PPM1B: variants seen among roughly 807,000 people sequenced by gnomAD.
PPM1B encodes the protein protein phosphatase, Mg2+/Mn2+ dependent 1B, also known as protein phosphatase 1B.
A neutral mutation model predicts 43.0 loss-of-function variants in PPM1B; 22 were observed. The ratio of observed to expected loss-of-function variants is 0.51; its 90% CI spans 0.37 to 0.73. The LOEUF (loss-of-function observed/expected upper bound fraction) is 0.73, where lower values mean the gene tolerates loss of function less well. Ranked by LOEUF, PPM1B falls within the 30% of genes least tolerant of loss-of-function variation. The pLI is 0.00. For missense variants in PPM1B, 632 were observed against 584.2 expected (o/e 1.08, Z -0.84); for synonymous variants, 217 against 197.9 (o/e 1.10, Z -0.81).
chr2:44,193,013 T>C (rs1668479377), intron 1 of PPM1B, among the ~76,000 whole-genome samples: 1 of 152,210 alleles, frequency 6.6e-6, no homozygotes, highest in Non-Finnish European at 1.5e-5. Flanking sequence ...TTTTGGTAAA[T>C]AATGCCACAG....
chr2:44,230,367 A>T (rs762613720), intron 5 of PPM1B, 46 bp from the exon 6 acceptor site: 7 of 1,594,458 alleles, frequency 4.4e-6, no homozygotes, highest in Admixed American at 1.8e-5. Context: ...TACATGTGAT[A>T]TCCTAGTTTG....
intron 3 of PPM1B, among the ~76,000 whole-genome samples, chr2:44,214,723 G>T (rs1218383692): frequency 6.6e-6 from 1 of 151,932 alleles, no homozygotes. Context: ...GTGTGTGGGG[G>T]TTTTCAGTAA....
chr2:44,235,217 T>C (rs1670577657), downstream of PPM1B, among the ~76,000 whole-genome samples: 2 of 152,358 alleles, frequency 1.3e-5, no homozygotes, highest in African/African-American at 4.8e-5. Flanking sequence ...ATGCATGATT[T>C]TGTCACATCA....
At chr2:44,232,854 ATTG>A, downstream of PPM1B, 2 of 970,316 alleles carry the variant, frequency 2.1e-6, no homozygotes, top group South Asian at 9.5e-5. Flanking sequence ...TTTATTATTG[ATTG>A]TTATTTAATT....
intron 1 of PPM1B, among the ~76,000 whole-genome samples, chr2:44,185,407 C>G (rs1016352763): frequency 2.0e-5 from 3 of 152,170 alleles, no homozygotes; most frequent in Non-Finnish European, 4.4e-5. Flanking sequence ...TTAGAGCACA[C>G]TGTATGTATT....
At chr2:44,221,267 T>A (rs1267682519) in intron 5 of PPM1B, among the ~76,000 whole-genome samples, 2 of 152,228 alleles carry the variant, frequency 1.3e-5, no homozygotes, top group Non-Finnish European at 2.9e-5. Flanking sequence ...CCTAGAATTT[T>A]AAATGGGGAA....
At chr2:44,181,033 C>T (rs566992123) in intron 1 of PPM1B, among the ~76,000 whole-genome samples, 17 of 152,206 alleles carry the variant, frequency 1.1e-4, no homozygotes, top group African/African-American at 4.1e-4. Context: ...CAGCCTCGAT[C>T]TCCTAGGTTC....
intron 1 of PPM1B, among the ~76,000 whole-genome samples, chr2:44,191,932 C>G (rs754850720): frequency 2.0e-4 from 30 of 152,052 alleles, no homozygotes; most frequent in Non-Finnish European, 3.7e-4. Context: ...GTTCTACTTT[C>G]AGTCCTGACA....
At chr2:44,199,999 GTC>G (rs1668858951) in intron 1 of PPM1B, among the ~76,000 whole-genome samples, 1 of 152,102 alleles carries the variant, frequency 6.6e-6, no homozygotes, top group Non-Finnish European at 1.5e-5. Flanking sequence ...CTAGACCAGT[GTC>G]TCTCAAAACT....
chr2:44,177,086 C>T (rs1001743881), intron 1 of PPM1B, among the ~76,000 whole-genome samples: 1 of 151,988 alleles, frequency 6.6e-6, no homozygotes. Flanking sequence ...GGCCTAGTTT[C>T]ATTTTTAATG....
At chr2:44,237,788 G>A (rs1670656655), downstream of PPM1B, among the ~76,000 whole-genome samples, 1 of 152,146 alleles carries the variant, frequency 6.6e-6, no homozygotes, top group East Asian at 1.9e-4. Flanking sequence ...CTAATGGTGG[G>A]TCTGATACCT....
In PPM1B at chr2:44,222,935, A is replaced by G. The variant is rs562148418; in HGVS notation, c.1134+4398A>G. 5.9e-5 allele frequency among the ~76,000 whole-genome samples: 9 copies of G among 152,138 alleles called. No homozygotes were observed. In the East Asian group the frequency reaches 1.5e-3, roughly 26 times the overall value. On this transcript the variant is annotated intron_variant, in intron 5 of 5. Coordinates refer to ENST00000282412, the MANE Select transcript of PPM1B (RefSeq NM_002706.6). The stretch of plus-strand genomic sequence containing the variant: ...AGCCTCAACCTCCCAGGCTCAAGCG[A>G]TCCTCCCAGCTCAGCCTCCTGAGTA...
intron 1 of PPM1B, 60 bp downstream of exon 1, chr2:44,169,334 C>T (rs1667201590): frequency 6.6e-6 from 1 of 152,390 alleles, no homozygotes. Flanking sequence ...CCGCCGAGGC[C>T]CCGGGCCCTG....
chr2:44,239,431 G>A (rs1670699051), downstream of PPM1B, among the ~76,000 whole-genome samples: 1 of 151,330 alleles, frequency 6.6e-6, no homozygotes, highest in Non-Finnish European at 1.5e-5. Flanking sequence ...CTCTCAGACT[G>A]TTTTTCTTTT....
chr2:44,234,804 TAACAA>T, downstream of PPM1B, among the ~76,000 whole-genome samples: 1 of 152,234 alleles, frequency 6.6e-6, no homozygotes, highest in East Asian at 1.9e-4. Flanking sequence ...TTTAATTTGT[TAACAA>T]AACAATTACA....
rs1284337246 is a variant in PPM1B at position 44,201,880 on chromosome 2, T to C, written c.681T>C (p.Tyr227=). The C allele has an allele frequency of 5.6e-6, 9 of 1,614,082 alleles. No homozygotes were observed. The highest frequency in any genetic ancestry group is 1.7e-5 in the Admixed American group (1 of 60,000). Residue 227 remains tyrosine (Y), a synonymous_variant, in exon 2 of 6, where the codon TAT becomes TAC. Transcript: ENST00000282412. The surrounding 1 kb of genome is among the most constrained non-coding windows in gnomAD (Gnocchi z 5.4). ...TTGTTTCTCCAGAGCCTGAGGTTTA[T>C]GAAATTTTAAGAGCAGAAGAGGATG... ...EQLVSPEPEV[Y]EILRAEEDEF...
chr2:44,197,964 A>G (rs552558557), intron 1 of PPM1B, among the ~76,000 whole-genome samples: 1 of 152,244 alleles, frequency 6.6e-6, no homozygotes, highest in African/African-American at 2.4e-5. Context: ...CCTTTGGGAA[A>G]AATTTTATCC....
intron 1 of PPM1B, among the ~76,000 whole-genome samples, chr2:44,177,575 C>T (rs1008916713): frequency 6.6e-6 from 1 of 151,812 alleles, no homozygotes; most frequent in Non-Finnish European, 1.5e-5. Flanking sequence ...CGTGCCACCA[C>T]GCTCAGCTAA....
intron 1 of PPM1B, among the ~76,000 whole-genome samples, chr2:44,178,900 T>C (rs2104011595): frequency 6.6e-6 from 1 of 152,340 alleles, no homozygotes; most frequent in Non-Finnish European, 1.5e-5. Context: ...TTTAATCCAG[T>C]ATTTCCAAAA....
Sources: allele counts gnomAD v4.1 joint callset (sites outside exome capture counted in the v4.1 genomes callset), GRCh38; gene constraint gnomAD v4.1.1; non-coding constraint Gnocchi (gnomAD v3.1); transcripts MANE v1.5; gene names NCBI Gene and HGNC (gene_info 2026-07-23, HGNC 2026-07-21).